TEX36: variants seen among roughly 807,000 people sequenced by gnomAD.
The protein encoded by TEX36 is testis-expressed protein 36.
TEX36 carries 12 observed loss-of-function variants against 13.6 expected under a neutral mutation model. That is an observed-to-expected ratio of 0.88 (90% CI 0.56 to 1.43). The LOEUF (loss-of-function observed/expected upper bound fraction) is 1.43, where lower values mean the gene tolerates loss of function less well. TEX36 is among the 40% of genes most tolerant of loss of function. The probability of loss-of-function intolerance (pLI) is 0.00; values close to 1 mark genes in which losing one functional copy is unlikely to be tolerated. For synonymous variants in TEX36, 93 were observed against 83.0 expected, an observed-to-expected ratio of 1.12 and a Z score of -0.65; for missense variants, 224 against 228.3, an observed-to-expected ratio of 0.98 and a Z score of 0.12.
At chr10:125,655,667 G>A (rs1846926520), downstream of TEX36, 1 of 1,220,216 alleles carries the variant, frequency 8.2e-7, no homozygotes, top group Admixed American at 4.0e-5. Context: ...GTATATTAAG[G>A]ATGTACTTTT....
chr10:125,659,307 T>C (rs1234854384), intron 3 of TEX36, among the ~76,000 whole-genome samples: 1 of 152,138 alleles, frequency 6.6e-6, no homozygotes, highest in Non-Finnish European at 1.5e-5. Context: ...AAAATACAAG[T>C]GGTAGAATCC....
intron 3 of TEX36, among the ~76,000 whole-genome samples, chr10:125,642,501 A>C (rs535264521): frequency 6.6e-6 from 1 of 152,228 alleles, no homozygotes; most frequent in South Asian, 2.1e-4. Context: ...TGCGTGAAAC[A>C]TCATTTGATA....
chr10:125,659,582 G>A (rs1846999661), intron 3 of TEX36, among the ~76,000 whole-genome samples: 1 of 152,146 alleles, frequency 6.6e-6, no homozygotes, highest in South Asian at 2.1e-4. Context: ...GGGTATTCTG[G>A]TCCTGTTTTC....
intron 3 of TEX36, among the ~76,000 whole-genome samples, chr10:125,631,057 C>T (rs919853422): frequency 6.6e-6 from 1 of 152,102 alleles, no homozygotes; most frequent in Non-Finnish European, 1.5e-5. Context: ...GGGAGAAATA[C>T]GAATGACTAA....
At chr10:125,598,123 A>T (rs1261303380) in intron 3 of TEX36, among the ~76,000 whole-genome samples, 1 of 152,154 alleles carries the variant, frequency 6.6e-6, no homozygotes, top group African/African-American at 2.4e-5. Flanking sequence ...GGCCACCTGC[A>T]AATATGATTC....
chr10:125,616,390 T>C (rs1161827492), intron 3 of TEX36, among the ~76,000 whole-genome samples: 26 of 141,050 alleles, frequency 1.8e-4, no homozygotes, highest in African/African-American at 6.1e-4. Context: ...GTGTCAATTT[T>C]GGATCTTTCC....
At chr10:125,635,955 C>G (rs187795191) in intron 3 of TEX36, among the ~76,000 whole-genome samples, 1 of 152,046 alleles carries the variant, frequency 6.6e-6, no homozygotes, top group East Asian at 1.9e-4. Context: ...CTCACTGCAG[C>G]CTCAACTTCC....
intron 1 of TEX36, among the ~76,000 whole-genome samples, chr10:125,673,142 A>T (rs1189113473): frequency 6.6e-6 from 1 of 152,158 alleles, no homozygotes. Flanking sequence ...GGTTAATGTT[A>T]TCTATGAATA....
chr10:125,641,860 T>C lies in TEX36; in HGVS notation c.264+19161A>G, dbSNP rs139080546. ...TTCCTGTGCAGTATCCTTTTGTTTT[T>C]GACTCACTGGATTGAGAATTGTGAG... On this transcript the variant is annotated intron_variant, in intron 3 of 3. Transcript: ENST00000526819. Among the ~76,000 whole-genome samples the C allele has an allele frequency of 3.9e-3, 591 of 152,340 alleles. 17 individuals are homozygous for C. The highest frequency in any genetic ancestry group is 0.011 in the East Asian group (59 of 5,188).
intron 1 of TEX36, among the ~76,000 whole-genome samples, chr10:125,665,384 A>C (rs527290799): frequency 6.6e-6 from 1 of 152,070 alleles, no homozygotes; most frequent in Non-Finnish European, 1.5e-5. Context: ...TTCAGATCTT[A>C]TATTTAAGTC....
At chr10:125,608,972 T>TAAAA (rs35828943) in intron 3 of TEX36, among the ~76,000 whole-genome samples, 8 of 83,048 alleles carry the variant, frequency 9.6e-5, no homozygotes, top group Admixed American at 2.7e-4. Context: ...CCACCTCTAC[T>TAAAA]AAAAAAAAAA....
intron 3 of TEX36, among the ~76,000 whole-genome samples, chr10:125,598,693 C>A (rs973548350): frequency 6.6e-6 from 1 of 152,130 alleles, no homozygotes; most frequent in Non-Finnish European, 1.5e-5. Context: ...TTTTTAGAGA[C>A]CCAGCAGATT....
intron 3 of TEX36, among the ~76,000 whole-genome samples, chr10:125,579,742 C>T (rs1845863364): frequency 6.6e-6 from 1 of 152,074 alleles, no homozygotes; most frequent in African/African-American, 2.4e-5. Flanking sequence ...TGTGTGGCGC[C>T]TTCCCTTTTG....
chr10:125,586,024 A>G (rs2133527126), intron 3 of TEX36, among the ~76,000 whole-genome samples: 1 of 152,268 alleles, frequency 6.6e-6, no homozygotes, highest in East Asian at 1.9e-4. Flanking sequence ...GACTTGTGGT[A>G]TTTTATCTAA....
chr10:125,662,627 A>C (rs1004129998), intron 1 of TEX36, among the ~76,000 whole-genome samples: 1 of 152,202 alleles, frequency 6.6e-6, no homozygotes, highest in Non-Finnish European at 1.5e-5. Flanking sequence ...GGTAGTCCCA[A>C]CAAGGGCCTC....
chr10:125,636,372 AT>A (rs1173411320), intron 3 of TEX36, among the ~76,000 whole-genome samples: 1,755 of 142,470 alleles, frequency 0.012, 29 homozygotes, highest in African/African-American at 0.036. Context: ...CACCCGGCTA[AT>A]TTTTTTTTTT....
downstream of TEX36, among the ~76,000 whole-genome samples, chr10:125,653,611 A>G (rs1688106819): frequency 1.3e-5 from 2 of 152,168 alleles, no homozygotes; most frequent in South Asian, 4.1e-4. Flanking sequence ...CGTTGTGCAC[A>G]TGTACCCTAG....
chr10:125,618,201 A>G (rs1250429667), downstream of TEX36, among the ~76,000 whole-genome samples: 1 of 151,838 alleles, frequency 6.6e-6, no homozygotes, highest in Non-Finnish European at 1.5e-5. Context: ...AATTTTTTTC[A>G]AAGTTTTCAA....
At position 125,683,115 on chromosome 10, in the gene TEX36, G is replaced by A; in HGVS notation, c.-126C>T. On this transcript the variant is annotated 5_prime_UTR_variant, in exon 1 of 4. Transcript: ENST00000368821. ...GTCTGGGAAGCTCCTCCTCCTCCTT[G>A]TTCCTGATCTTTACTTCTCAGCCTC... The A allele has an allele frequency of 5.5e-6, 6 of 1,082,372 alleles. No homozygotes were observed. Among genetic ancestry groups the A allele is most frequent in the Non-Finnish European group, 6.9e-6 (5 of 723,970 alleles). 67.0% of individuals were successfully genotyped at this position (1,082,372 alleles called of 1,614,324 possible).
Sources: gnomAD v4.1 joint callset for allele counts (sites outside exome capture counted in the v4.1 genomes callset) on GRCh38, gnomAD v4.1.1 for gene constraint, MANE v1.5 for transcripts, NCBI Gene and HGNC (gene_info 2026-07-23, HGNC 2026-07-21) for gene names.